NUMA1: variants seen among roughly 807,000 people sequenced by gnomAD.
NUMA1 encodes the protein SP-H antigen.
In NUMA1, 62 loss-of-function variants were observed where a neutral mutation model predicts 237.1. The ratio of observed to expected loss-of-function variants is 0.26; its 90% CI spans 0.21 to 0.32. The LOEUF is 0.32. Ranked by LOEUF, NUMA1 falls within the 10% of genes least tolerant of loss-of-function variation. The pLI, the probability that NUMA1 is intolerant of heterozygous loss-of-function variation, is 1.00. For synonymous variants in NUMA1, 1,028 were observed against 1,066.1 expected (o/e 0.96, Z 0.70); for missense variants, 2,533 against 2,666.5 (o/e 0.95, Z 1.10).
At chr11:72,046,916 C>A (rs188366196) in intron 2 of NUMA1, among the ~76,000 whole-genome samples, 1 of 151,296 alleles carries the variant, frequency 6.6e-6, no homozygotes, top group African/African-American at 2.4e-5. Flanking sequence ...GCTGAGATTG[C>A]GCCATTGCAC....
In NUMA1 at chr11:72,003,954, A is replaced by G. The variant is rs756544668; in HGVS notation, c.6269T>C (p.Ile2090Thr). The G allele has an allele frequency of 6.2e-6, 10 of 1,613,534 alleles. No individual in the cohort carries two copies. The South Asian group carries it at 9.9e-5, about 16-fold the overall frequency. The change falls in exon 26 of 27, where the codon ATT becomes ACT. Residue 2090 changes from isoleucine (I) to threonine (T), a missense_variant. Ile to Thr is a moderately conservative substitution (Grantham distance 89). Coordinates refer to ENST00000393695, the MANE Select transcript of NUMA1 (RefSeq NM_006185.4). ...GGCGGCGCTGGCTGTGGTGGTGGCAATGCGCGGAGAACGGCGGGTTCCACT... is the reference window on the plus strand; with the variant it reads ...GGCGGCGCTGGCTGTGGTGGTGGCAGTGCGCGGAGAACGGCGGGTTCCACT... The part of the protein sequence containing the change: ...TRSGTRRSPR[I>T]ATTTASAATA...
intron 2 of NUMA1, among the ~76,000 whole-genome samples, chr11:72,053,393 TCAGCACAATGGCTGGCA>T (rs1161284590): frequency 6.6e-6 from 1 of 152,234 alleles, no homozygotes; most frequent in Non-Finnish European, 1.5e-5. Flanking sequence ...TTCTTAGAAA[TCAGCACAATGGCTGGCA>T]CAGCATGAGT....
chr11:72,010,916 T>C (rs1172644567), intron 16 of NUMA1, 62 bp from the exon 17 acceptor site: 7 of 1,425,690 alleles, frequency 4.9e-6, no homozygotes, highest in African/African-American at 1.4e-5. Context: ...TCATCCTGGA[T>C]GTCCACCCAT....
chr11:72,010,952 C>G (rs1956118516), intron 16 of NUMA1, 98 bp from the exon 17 acceptor site: 2 of 1,051,876 alleles, frequency 1.9e-6, no homozygotes, highest in East Asian at 4.8e-5. Flanking sequence ...ACCAGGATCC[C>G]CAGTGTTCCT....
rs569288201 is a variant in NUMA1 at position 72,035,407 on chromosome 11, T to C, written c.42+495A>G. 6.4e-4 allele frequency among the ~76,000 whole-genome samples: 92 copies of C among 144,396 alleles called. 1 individual carries two copies. The highest frequency in any genetic ancestry group is 5.0e-3 in the South Asian group (23 of 4,560). 94.7% of individuals were successfully genotyped at this position (144,396 alleles called of 152,430 possible). On this transcript the variant is annotated intron_variant, in intron 3 of 26. Coordinates refer to ENST00000393695, the MANE Select transcript of NUMA1 (RefSeq NM_006185.4). ...TAAGGTCAGCATTTACCACCCCCCC[T>C]TTTTTTTTTTTAATTTTTTAGACCG...
In NUMA1 at chr11:72,008,746, A is replaced by G. The variant is rs778413524; in HGVS notation, c.5158T>C (p.Leu1720=). ...REPQAKPQLD[L]SIDSLDLSCE... is the part of the protein sequence containing the mutation. Reference sequence around the variant, plus strand: ...CTCAGATCCAGGCTGTCAATACTCAAGTCCAGCTGGGGCTTAGCCTGGGGC... The same window carrying G: ...CTCAGATCCAGGCTGTCAATACTCAGGTCCAGCTGGGGCTTAGCCTGGGGC... The change falls in exon 20 of 27, where the codon TTG becomes CTG. Residue 1720 remains leucine (L), a synonymous_variant. Transcript: ENST00000393695. 1.9e-6 allele frequency: 3 copies of G among 1,614,048 alleles called. No individual in the cohort carries two copies. In the South Asian group the frequency reaches 3.3e-5, roughly 18 times the overall value.
Position 72,005,381 on chromosome 11 carries a change from A to AG in NUMA1, c.5693-13dup. On this transcript the variant is annotated splice_polypyrimidine_tract_variant and intron_variant, in intron 22 of 26. Transcript: ENST00000393695. ...GAAGCTGTTCCTTCCTGTGGAAGGC[A>AG]GGGAAGTGGGAACAAATGAGCCTGG... 6.2e-7 allele frequency: 1 copy of AG among 1,601,892 alleles called. No homozygotes were observed.
chr11:72,029,378 G>A, intron 3 of NUMA1, 88 bp from the exon 4 acceptor site: 5 of 724,862 alleles, frequency 6.9e-6, no homozygotes, highest in Non-Finnish European at 1.1e-5. Context: ...AGTGCTTACA[G>A]TTGTAGACTA....
At chr11:72,020,073 TTC>T (rs1299608209) in intron 8 of NUMA1, among the ~76,000 whole-genome samples, 1 of 152,130 alleles carries the variant, frequency 6.6e-6, no homozygotes, top group Non-Finnish European at 1.5e-5. Flanking sequence ...CTCAAAACCC[TTC>T]TCTTTCCGTG....
intron 2 of NUMA1, chr11:72,040,765 G>A (rs1276853535): frequency 6.6e-6 from 1 of 152,214 alleles, no homozygotes; most frequent in Non-Finnish European, 1.5e-5. Context: ...ACTCCCGGAT[G>A]TTGGCAAGCT....
In NUMA1 at chr11:72,078,955, A is replaced by T. The variant is rs551700692; in HGVS notation, c.-103+1503T>A. On this transcript the variant is annotated intron_variant, in intron 1 of 26. Coordinates refer to ENST00000393695, the MANE Select transcript of NUMA1 (RefSeq NM_006185.4). ...ACAACCCAGAAGTTTGGAAACATAG[A>T]ACCAGGCAACAGATACTAGAGAGAG... is the stretch of plus-strand genomic sequence containing the variant. 1.9e-4 allele frequency among the ~76,000 whole-genome samples: 29 copies of T among 152,360 alleles called. 1 individual carries two copies. Among genetic ancestry groups the T allele is most frequent in the South Asian group, 6.2e-4 (3 of 4,834 alleles).
Position 72,003,860 on chromosome 11 carries a change from C to T in NUMA1, c.6336+27G>A, listed in dbSNP as rs1312855540. On this transcript the variant is annotated intron_variant, in intron 26 of 26. Coordinates refer to ENST00000393695, the MANE Select transcript of NUMA1 (RefSeq NM_006185.4). Reference sequence around the variant, plus strand: ...GGTGCCCATGCTCTCATCGGGTTTCCCTCCCCCATCCTGCCAGTGCCTCTA... The same window carrying T: ...GGTGCCCATGCTCTCATCGGGTTTCTCTCCCCCATCCTGCCAGTGCCTCTA... The T allele has an allele frequency of 3.7e-6, 6 of 1,610,788 alleles. No homozygotes were observed. The South Asian group carries it at 5.5e-5, about 15-fold the overall frequency.
chr11:72,033,060 T>C (rs1229489583), intron 3 of NUMA1, among the ~76,000 whole-genome samples: 3 of 152,212 alleles, frequency 2.0e-5, no homozygotes. Context: ...CTCACTAACA[T>C]AACAGATGCA....
chr11:72,010,798 C>G lies in NUMA1; in HGVS notation c.4707G>C (p.Gln1569His), dbSNP rs1230770734. The change falls in exon 17 of 27, where the codon CAG (glutamine) becomes CAC (histidine). Residue 1569 changes from glutamine to histidine, a missense_variant. Transcript: ENST00000393695. ...ADSDQASKVQ[Q>H]QKLKAVQAQG... is the part of the protein sequence containing the mutation. ...CCAGCTGCCCCACCTTCAGCTTCTG[C>G]TGCTGCACCTTGCTGGCTTGGTCAG... is the stretch of plus-strand genomic sequence containing the variant. 1.2e-6 allele frequency: 2 copies of G among 1,613,720 alleles called. No homozygotes were observed. Among genetic ancestry groups the G allele is most frequent in the East Asian group, 4.5e-5 (2 of 44,882 alleles).
intron 16 of NUMA1, among the ~76,000 whole-genome samples, chr11:72,011,903 C>A (rs1444668626): frequency 6.6e-6 from 1 of 152,136 alleles, no homozygotes; most frequent in Non-Finnish European, 1.5e-5. Flanking sequence ...AAGTGATGGG[C>A]AAGTGTCCTA....
At chr11:72,040,970 A>C (rs1941606290) in intron 2 of NUMA1, 1 of 152,052 alleles carries the variant, frequency 6.6e-6, no homozygotes, top group Admixed American at 6.5e-5. Context: ...AGACTCCTAA[A>C]GCCAAACGTA....
Position 72,014,262 on chromosome 11 carries a change from C to G in NUMA1, c.3241G>C (p.Glu1081Gln). The stretch of plus-strand genomic sequence containing the variant: ...TGCTTCACGGTTTGCCGAAGTTCCT[C>G]CAGCTCTTTTATCTGGGCTGCCTCC... Reference protein sequence around the residue: ...GLEAAQIKELEELRQTVKQLK... With the variant: ...GLEAAQIKELQELRQTVKQLK... The change falls in exon 15 of 27, where the codon GAG becomes CAG. Residue 1081 changes from glutamate (E) to glutamine (Q), a missense_variant. Coordinates refer to ENST00000393695, the MANE Select transcript of NUMA1 (RefSeq NM_006185.4). This position sits in a 1 kb window ranked among gnomAD's most constrained non-coding sequence, Gnocchi z 4.6. 1 of 1,614,022 alleles carries G rather than the reference C, an allele frequency of 6.2e-7. No individual in the cohort carries two copies. The highest frequency in any genetic ancestry group is 8.5e-7 in the Non-Finnish European group (1 of 1,180,052).
intron 1 of NUMA1, among the ~76,000 whole-genome samples, chr11:72,073,048 C>CAAAAAAAAAAA (rs71052849): frequency 0.061 from 2,393 of 38,924 alleles, 897 homozygotes; most frequent in Middle Eastern, 0.17. Context: ...GACTCCGTCT[C>CAAAAAAAAAAA]AAAAAAAAAA....
intron 26 of NUMA1, 72 bp from the exon 27 acceptor site, chr11:72,003,610 C>T: frequency 1.3e-6 from 2 of 1,577,882 alleles, no homozygotes; most frequent in Non-Finnish European, 1.7e-6. Flanking sequence ...CTGGGAAGAT[C>T]TCTTCCTGCT....
Sources: gnomAD v4.1 joint callset for allele counts (sites outside exome capture counted in the v4.1 genomes callset) on GRCh38, gnomAD v4.1.1 for gene constraint, Gnocchi (gnomAD v3.1) non-coding constraint, MANE v1.5 for transcripts, NCBI Gene and HGNC (gene_info 2026-07-23, HGNC 2026-07-21) for gene names.